The following PLCZ1 variants were observed in gnomAD, a reference collection of about 807,000 sequenced individuals.
PLCZ1 encodes the protein 1-phosphatidylinositol 4,5-bisphosphate phosphodiesterase zeta-1.
Under a neutral mutation model 76.8 loss-of-function variants are expected in PLCZ1, and 64 were observed. That is an observed-to-expected ratio of 0.83 (90% CI 0.68 to 1.03). The LOEUF (loss-of-function observed/expected upper bound fraction) is 1.03, where lower values mean the gene tolerates loss of function less well. Ranked by LOEUF, PLCZ1 falls within the 50% of genes least tolerant of loss-of-function variation. PLCZ1 has a pLI of 0.00. For missense variants in PLCZ1, 751 were observed against 713.7 expected (o/e 1.05, Z -0.60); for synonymous variants, 248 against 230.8 (o/e 1.07, Z -0.68).
chr12:18,725,329 G>T (rs1015441232), intron 3 of PLCZ1, among the ~76,000 whole-genome samples: 5 of 152,074 alleles, frequency 3.3e-5, no homozygotes, highest in Non-Finnish European at 7.4e-5. Context: ...CAATTTGAGT[G>T]CTGAGGCACG....
intron 13 of PLCZ1, among the ~76,000 whole-genome samples, chr12:18,686,064 T>A (rs1953100621): frequency 1.3e-5 from 2 of 151,962 alleles, no homozygotes; most frequent in Non-Finnish European, 2.9e-5. Context: ...AGCTAAATCA[T>A]CTTAAAATTC....
intron 10 of PLCZ1, among the ~76,000 whole-genome samples, chr12:18,697,270 T>A (rs896140550): frequency 6.6e-6 from 1 of 152,122 alleles, no homozygotes; most frequent in Non-Finnish European, 1.5e-5. Flanking sequence ...GGAAGCATTG[T>A]CAAATTAAAA....
intron 6 of PLCZ1, among the ~76,000 whole-genome samples, chr12:18,706,104 G>A (rs563795571): frequency 6.6e-6 from 1 of 151,714 alleles, no homozygotes; most frequent in African/African-American, 2.4e-5. Context: ...GTGGTGGCAG[G>A]TGCCTGTAAT....
the PLCZ1 span, among the ~76,000 whole-genome samples, chr12:18,674,226 T>C: frequency 1.3e-5 from 2 of 152,224 alleles, no homozygotes; most frequent in South Asian, 4.1e-4. Context: ...AAGCCACATA[T>C]ATTAAATTCA....
At chr12:18,688,672 C>T (rs943091498) in intron 12 of PLCZ1, among the ~76,000 whole-genome samples, 15 of 151,814 alleles carry the variant, frequency 9.9e-5, no homozygotes, top group African/African-American at 3.4e-4. Flanking sequence ...TCAGTTATTT[C>T]ATATGTATAT....
At chr12:18,737,117 G>A (rs576307300) in intron 2 of PLCZ1, among the ~76,000 whole-genome samples, 1 of 152,192 alleles carries the variant, frequency 6.6e-6, no homozygotes, top group African/African-American at 2.4e-5. Context: ...TTGTTAGAAC[G>A]AATTAATGAG....
chr12:18,722,722 C>T (rs1003141127), intron 4 of PLCZ1, among the ~76,000 whole-genome samples: 1 of 151,966 alleles, frequency 6.6e-6, no homozygotes, highest in Non-Finnish European at 1.5e-5. Flanking sequence ...TATGACAGAT[C>T]GTTAGCCTAA....
At chr12:18,691,736 G>A (rs907424439) in intron 12 of PLCZ1, among the ~76,000 whole-genome samples, 2 of 152,118 alleles carry the variant, frequency 1.3e-5, no homozygotes. Flanking sequence ...TTAATTCTTT[G>A]CCAGACCTTG....
chr12:18,689,278 G>GA (rs200550038), intron 12 of PLCZ1, among the ~76,000 whole-genome samples: 15 of 148,906 alleles, frequency 1.0e-4, no homozygotes, highest in African/African-American at 2.2e-4. Context: ...ATTCCAGAAA[G>GA]AAAAAAAAAA....
chr12:18,652,903 A>G, the PLCZ1 span, among the ~76,000 whole-genome samples: 1 of 152,006 alleles, frequency 6.6e-6, no homozygotes, highest in Non-Finnish European at 1.5e-5. Context: ...ATATATGTAT[A>G]TGTTCAGAAT....
At chr12:18,669,410 A>G in the PLCZ1 span, among the ~76,000 whole-genome samples, 2 of 152,244 alleles carry the variant, frequency 1.3e-5, no homozygotes, top group African/African-American at 4.8e-5. Context: ...AATTATCCTC[A>G]CTTTAAATAA....
chr12:18,650,269 A>G, the PLCZ1 span, among the ~76,000 whole-genome samples: 1 of 149,016 alleles, frequency 6.7e-6, no homozygotes, highest in African/African-American at 2.5e-5. Context: ...TGTTAAGAGC[A>G]AAAAACTTGA....
In PLCZ1 at chr12:18,712,869, G is replaced by A. The variant is rs1442476081; in HGVS notation, c.687C>T (p.Ile229=). The change falls in exon 6 of 15, where the codon ATC becomes ATT. Residue 229 remains isoleucine (I), a synonymous_variant. Transcript: ENST00000266505. ...LTSKLLFKTV[I]QAIHKYAFMT... ...TGAATGCATACTTGTGTATAGCTTG[G>A]ATAACAGTTTTAAACAGAAGTTTGC... 1.2e-6 allele frequency: 2 copies of A among 1,613,686 alleles called. No homozygotes were observed. The highest frequency in any genetic ancestry group is 1.1e-5 in the South Asian group (1 of 91,084).
intron 6 of PLCZ1, among the ~76,000 whole-genome samples, chr12:18,711,481 A>C (rs1328611870): frequency 6.6e-6 from 1 of 150,812 alleles, no homozygotes; most frequent in Non-Finnish European, 1.5e-5. Flanking sequence ...ACATGTATCC[A>C]TATGTAACAA....
intron 9 of PLCZ1, 34 bp downstream of exon 9, chr12:18,701,467 T>C: frequency 1.2e-6 from 2 of 1,612,058 alleles, no homozygotes; most frequent in African/African-American, 2.7e-5. Flanking sequence ...AACTTTCCAA[T>C]CACTTGTAAG....
intron 6 of PLCZ1, among the ~76,000 whole-genome samples, chr12:18,709,575 G>T (rs544147948): frequency 6.6e-6 from 1 of 151,612 alleles, no homozygotes; most frequent in African/African-American, 2.4e-5. Flanking sequence ...ATTTTGATAA[G>T]AATTGCATTA....
chr12:18,650,499 T>C, the PLCZ1 span, among the ~76,000 whole-genome samples: 1 of 150,038 alleles, frequency 6.7e-6, no homozygotes, highest in African/African-American at 2.4e-5. Flanking sequence ...TTTTCCTGTG[T>C]ATGAAAAAAA....
At chr12:18,666,757 G>A in the PLCZ1 span, among the ~76,000 whole-genome samples, 1 of 152,126 alleles carries the variant, frequency 6.6e-6, no homozygotes, top group Non-Finnish European at 1.5e-5. Flanking sequence ...CAGAATACAA[G>A]TTCTTCACAA....
rs180729738 is a variant in PLCZ1 at position 18,706,316 on chromosome 12, G to C, written c.715-1001C>G. Among the ~76,000 whole-genome samples the C allele has an allele frequency of 6.7e-4, 101 of 151,420 alleles. 1 individual carries two copies. The East Asian group carries it at 0.018, about 28-fold the overall frequency. Reference sequence around the variant, plus strand: ...GTTATCTACGGGTTTATGAAGAAAAGCAAGTTACCAAAAAGTAGCATGCTA... The same window carrying C: ...GTTATCTACGGGTTTATGAAGAAAACCAAGTTACCAAAAAGTAGCATGCTA... On this transcript the variant is annotated intron_variant, in intron 6 of 14. Transcript: ENST00000266505.
Sources: allele counts gnomAD v4.1 joint callset (sites outside exome capture counted in the v4.1 genomes callset), GRCh38; gene constraint gnomAD v4.1.1; transcripts MANE v1.5; gene names NCBI Gene and HGNC (gene_info 2026-07-23, HGNC 2026-07-21).